The following NUMA1 variants were observed in gnomAD, a reference collection of about 807,000 sequenced individuals.
NUMA1 encodes the protein SP-H antigen.
Under a neutral mutation model 237.1 loss-of-function variants are expected in NUMA1, and 62 were observed. The observed-to-expected ratio is 0.26, with a 90% CI of 0.21 to 0.32. The LOEUF is 0.32. NUMA1 is among the 10% of genes least tolerant of loss of function. NUMA1 has a pLI of 1.00. For synonymous variants in NUMA1, 1,028 were observed against 1,066.1 expected (o/e 0.96, Z 0.70); for missense variants, 2,533 against 2,666.5 (o/e 0.95, Z 1.10).
chr11:72,040,441 CACAT>C (rs1400616681), intron 2 of NUMA1, among the ~76,000 whole-genome samples: 1 of 21,480 alleles, frequency 4.7e-5, no homozygotes, highest in African/African-American at 1.3e-4. Flanking sequence ...GGGGCGCGTA[CACAT>C]ACACACACAC....
chr11:72,027,688 T>A (rs1488883018), intron 4 of NUMA1, among the ~76,000 whole-genome samples: 2 of 152,228 alleles, frequency 1.3e-5, no homozygotes, highest in Admixed American at 6.5e-5. Flanking sequence ...TAGAAATGAA[T>A]ATTCACTGAG....
intron 9 of NUMA1, 28 bp from the exon 10 acceptor site, chr11:72,019,008 T>G: frequency 6.2e-7 from 1 of 1,611,250 alleles, no homozygotes; most frequent in Non-Finnish European, 8.5e-7. Flanking sequence ...CCATATGCAT[T>G]GGTAAGCGCC....
At chr11:72,004,137 TGCCTTCCCA>T in intron 25 of NUMA1, 38 bp from the exon 26 acceptor site, 1 of 1,611,500 alleles carries the variant, frequency 6.2e-7, no homozygotes, top group South Asian at 1.1e-5. Context: ...GACCCAATGC[TGCCTTCCCA>T]GGCCAGCGTG....
intron 8 of NUMA1, among the ~76,000 whole-genome samples, chr11:72,019,982 A>G (rs1438548671): frequency 3.9e-5 from 6 of 152,160 alleles, no homozygotes; most frequent in Admixed American, 3.3e-4. Flanking sequence ...GCAGCCCCCA[A>G]CAACCTTTCC....
rs201565115 is a variant in NUMA1, at chr11:72,019,505, G to A, written c.573C>T (p.Ser191=). The A allele has an allele frequency of 6.2e-7, 1 of 1,613,344 alleles. No individual in the cohort carries two copies. Among genetic ancestry groups the A allele is most frequent in the Non-Finnish European group, 8.5e-7 (1 of 1,179,522 alleles). Residue 191 remains serine (S), a synonymous_variant, in exon 9 of 27, where the codon TCC becomes TCT. Transcript: ENST00000393695. ...FLELQKVASS[S]SGNNFLSGSP... ...GGCCCAGAACATACTTGTTCCCACT[G>A]GAAGAGGAGGCAACCTTCTGTAGCT...
At chr11:72,071,502 CAACT>C (rs1294439083) in intron 1 of NUMA1, among the ~76,000 whole-genome samples, 10 of 152,138 alleles carry the variant, frequency 6.6e-5, no homozygotes, top group African/African-American at 2.2e-4. Context: ...ATAGTCATGA[CAACT>C]AAGTGCATAA....
chr11:72,054,596 T>G (rs1942538001), intron 2 of NUMA1, among the ~76,000 whole-genome samples: 1 of 152,194 alleles, frequency 6.6e-6, no homozygotes. Context: ...GTTAAGCAAC[T>G]GTCATGATCT....
intron 2 of NUMA1, among the ~76,000 whole-genome samples, chr11:72,044,667 CT>C (rs1196162358): frequency 2.4e-3 from 306 of 125,568 alleles, no homozygotes; most frequent in African/African-American, 4.8e-3. Context: ...TGTATGTTTG[CT>C]TTTTTTTTTT....
intron 9 of NUMA1, 57 bp from the exon 10 acceptor site, chr11:72,019,037 G>GC: frequency 6.3e-7 from 1 of 1,587,798 alleles, no homozygotes; most frequent in Non-Finnish European, 8.6e-7. Flanking sequence ...GAAGCAATCA[G>GC]CAACAGGCAG....
intron 2 of NUMA1, among the ~76,000 whole-genome samples, chr11:72,038,350 T>C (rs1250565013): frequency 6.6e-6 from 1 of 152,190 alleles, no homozygotes; most frequent in African/African-American, 2.4e-5. Context: ...CAAGGCTAAA[T>C]ATTCTTTTCT....
At chr11:72,009,542 C>G (rs1956001846) in intron 17 of NUMA1, among the ~76,000 whole-genome samples, 155 bp from the exon 18 acceptor site, 1 of 152,254 alleles carries the variant, frequency 6.6e-6, no homozygotes, top group Non-Finnish European at 1.5e-5. Context: ...CTCTGCCCGA[C>G]TACAGTCTAC....
chr11:72,034,551 C>CA (rs1940773946), intron 3 of NUMA1, among the ~76,000 whole-genome samples: 1 of 151,700 alleles, frequency 6.6e-6, no homozygotes, highest in Non-Finnish European at 1.5e-5. Context: ...ACTAAAAATA[C>CA]AAAAAAATTA....
rs772815298 is a variant in NUMA1, at chr11:72,006,445, G to C, written c.5464-182C>G. ...TGTCGACAGAAGCCCTCACAAGGTG[G>C]TGCTGATGTTGTCAAGACTCTTCTA... On this transcript the variant is annotated intron_variant, in intron 21 of 26. Transcript: ENST00000393695. Among the ~76,000 whole-genome samples the C allele has an allele frequency of 1.2e-4, 19 of 152,312 alleles. No homozygotes were observed. The East Asian group carries it at 2.7e-3, about 22-fold the overall frequency.
At chr11:72,071,266 C>T (rs1289984788) in intron 1 of NUMA1, among the ~76,000 whole-genome samples, 1 of 151,422 alleles carries the variant, frequency 6.6e-6, no homozygotes, top group Non-Finnish European at 1.5e-5. Flanking sequence ...GATTAGACAA[C>T]ACAAATAAGT....
At chr11:72,022,668 A>C (rs570961027) in intron 6 of NUMA1, among the ~76,000 whole-genome samples, 3 of 151,086 alleles carry the variant, frequency 2.0e-5, no homozygotes, top group Admixed American at 1.3e-4. Context: ...TCCTGGACTC[A>C]TGGAACCCTG....
At position 72,014,143 on chromosome 11, in the gene NUMA1, G is replaced by C. The variant is rs142930680; in HGVS notation, c.3360C>G (p.Pro1120=). The change falls in exon 15 of 27, where the codon CCC becomes CCG. Residue 1120 remains proline, a synonymous_variant. Transcript: ENST00000393695. The surrounding 1 kb of genome is among the most constrained non-coding windows in gnomAD (Gnocchi z 4.6). The part of the protein sequence containing the change: ...EAAGRTEPTG[P]KLEALRAEVS... The stretch of plus-strand genomic sequence containing the variant: ...CCTCTGCCCGCAGTGCCTCCAGCTT[G>C]GGGCCTGTTGGCTCTGTCCTGCCAG... The C allele has an allele frequency of 5.9e-5, 95 of 1,612,918 alleles. No homozygotes were observed. Among genetic ancestry groups the C allele is most frequent in the Non-Finnish European group, 7.6e-5 (90 of 1,180,048 alleles).
At chr11:72,050,605 C>T (rs1942282099) in intron 2 of NUMA1, 1 of 152,138 alleles carries the variant, frequency 6.6e-6, no homozygotes. Context: ...CCCTAAGAGG[C>T]AAGGTTTATT....
intron 2 of NUMA1, chr11:72,050,885 CTTTTTT>C (rs11414539): frequency 2.5e-5 from 3 of 121,752 alleles, no homozygotes; most frequent in Non-Finnish European, 4.9e-5. Flanking sequence ...CTATACCCAC[CTTTTTT>C]TTTTTTTTTT....
intron 3 of NUMA1, among the ~76,000 whole-genome samples, chr11:72,034,063 T>C (rs1167720006): frequency 6.6e-6 from 1 of 152,062 alleles, no homozygotes; most frequent in African/African-American, 2.4e-5. Flanking sequence ...TACAATGAAC[T>C]ATGATTACAT....
Sources: allele counts gnomAD v4.1 joint callset (sites outside exome capture counted in the v4.1 genomes callset), GRCh38; gene constraint gnomAD v4.1.1; non-coding constraint Gnocchi (gnomAD v3.1); transcripts MANE v1.5; gene names NCBI Gene and HGNC (gene_info 2026-07-23, HGNC 2026-07-21).